PTPRN2: variants seen among roughly 807,000 people sequenced by gnomAD.
PTPRN2 encodes the protein protein tyrosine phosphatase receptor type N2, also known as receptor-type tyrosine-protein phosphatase N2.
A neutral mutation model predicts 118.8 loss-of-function variants in PTPRN2; 74 were observed. That is an observed-to-expected ratio of 0.62 (90% CI 0.52 to 0.76). The LOEUF (loss-of-function observed/expected upper bound fraction) is 0.76, where lower values mean the gene tolerates loss of function less well. Among genes scored for constraint, PTPRN2 ranks in the 30% least tolerant of loss-of-function variants. The pLI is 0.00. For synonymous variants in PTPRN2, 641 were observed against 608.0 expected (o/e 1.05, Z -0.80); for missense variants, 1,481 against 1,394.4 (o/e 1.06, Z -0.99).
intron 2 of PTPRN2, among the ~76,000 whole-genome samples, chr7:158,327,553 C>A (rs1179827036): frequency 6.6e-6 from 1 of 152,208 alleles, no homozygotes; most frequent in Non-Finnish European, 1.5e-5. Context: ...ACTATCTGTT[C>A]TCACATGCTC....
chr7:157,679,369 A>C (rs191014365), intron 13 of PTPRN2, among the ~76,000 whole-genome samples: 20 of 152,314 alleles, frequency 1.3e-4, no homozygotes, highest in African/African-American at 4.8e-4. Context: ...AGTCTGAGCA[A>C]ATTAAACTTG....
chr7:157,648,674 T>A (rs553700969), intron 14 of PTPRN2, among the ~76,000 whole-genome samples: 84 of 90,114 alleles, frequency 9.3e-4, no homozygotes, highest in African/African-American at 1.8e-3. Context: ...GGTCAGACCC[T>A]TTCACTGTGC....
At chr7:157,920,090 A>C (rs1020590126) in intron 11 of PTPRN2, among the ~76,000 whole-genome samples, 6 of 152,200 alleles carry the variant, frequency 3.9e-5, no homozygotes, top group African/African-American at 1.2e-4. Flanking sequence ...ATGCTCGCAC[A>C]ACGACGAAAT....
At chr7:157,605,484 G>C (rs1801950411) in intron 15 of PTPRN2, among the ~76,000 whole-genome samples, 2 of 152,218 alleles carry the variant, frequency 1.3e-5, no homozygotes, top group Admixed American at 6.5e-5. Flanking sequence ...CGAGCAGGGG[G>C]CATGTCTCAG....
intron 3 of PTPRN2, among the ~76,000 whole-genome samples, chr7:158,310,664 G>A (rs537789535): frequency 5.3e-5 from 8 of 151,822 alleles, no homozygotes; most frequent in South Asian, 2.1e-4. Context: ...CACGGAGGGC[G>A]AGCCCTGAGC....
At chr7:158,060,094 CGGTG>C in intron 11 of PTPRN2, among the ~76,000 whole-genome samples, 2 of 120,202 alleles carry the variant, frequency 1.7e-5, no homozygotes, top group African/African-American at 8.0e-5. Flanking sequence ...CATCTGCCCA[CGGTG>C]ACACATCACT....
At chr7:158,267,098 C>T (rs750057253) in intron 3 of PTPRN2, among the ~76,000 whole-genome samples, 15 of 152,244 alleles carry the variant, frequency 9.9e-5, no homozygotes, top group Non-Finnish European at 1.9e-4. Flanking sequence ...CGGCAGGTCC[C>T]GCCTGGCACT....
intron 11 of PTPRN2, among the ~76,000 whole-genome samples, chr7:157,968,945 A>G (rs1201056090): frequency 1.3e-5 from 2 of 152,202 alleles, no homozygotes; most frequent in African/African-American, 4.8e-5. Flanking sequence ...GCTCAGTGGA[A>G]GGTGCCGAAG....
In PTPRN2 at chr7:157,610,396, T is replaced by C. The variant is rs1048047251; in HGVS notation, c.2345-6321A>G. ...CAGGAGGCCCTCTTCTTCATGTTGA[T>C]GGTGTGGCCTGTGGAGAGGTGGAGC... is the stretch of plus-strand genomic sequence containing the variant. On this transcript the variant is annotated intron_variant, in intron 15 of 22. Coordinates refer to ENST00000389418, the MANE Select transcript of PTPRN2 (RefSeq NM_002847.5). The surrounding 1 kb of genome is among the most constrained non-coding windows in gnomAD (Gnocchi z 5.1). Among the ~76,000 whole-genome samples, 1 of 152,222 alleles carries C rather than the reference T, an allele frequency of 6.6e-6. No homozygotes were observed. The highest frequency in any genetic ancestry group is 1.5e-5 in the Non-Finnish European group (1 of 68,040).
intron 3 of PTPRN2, among the ~76,000 whole-genome samples, chr7:158,283,668 C>T (rs1051327868): frequency 2.0e-5 from 3 of 152,118 alleles, no homozygotes; most frequent in Non-Finnish European, 4.4e-5. Context: ...GCATAATGAC[C>T]GGACCTCACC....
At chr7:158,321,246 G>A (rs535383065) in intron 2 of PTPRN2, among the ~76,000 whole-genome samples, 466 of 152,198 alleles carry the variant, frequency 3.1e-3, no homozygotes, top group Non-Finnish European at 4.5e-3. Context: ...CACTGAAGTC[G>A]CCTCACCGCC....
At chr7:158,473,663 G>C (rs976234386) in intron 2 of PTPRN2, among the ~76,000 whole-genome samples, 2 of 152,206 alleles carry the variant, frequency 1.3e-5, no homozygotes, top group African/African-American at 4.8e-5. Flanking sequence ...GACACTGTCA[G>C]CCTCAGAAAA....
chr7:158,531,195 A>C (rs1224153662), intron 1 of PTPRN2, among the ~76,000 whole-genome samples: 15 of 152,186 alleles, frequency 9.9e-5, no homozygotes, highest in African/African-American at 3.1e-4. Flanking sequence ...TGCCTGACAC[A>C]GCAAATTTAC....
At chr7:158,164,843 A>G (rs1822783863) in intron 6 of PTPRN2, among the ~76,000 whole-genome samples, 1 of 152,170 alleles carries the variant, frequency 6.6e-6, no homozygotes, top group Non-Finnish European at 1.5e-5. Context: ...GGGAGGGGCA[A>G]GGAAGGCTGA....
intron 12 of PTPRN2, among the ~76,000 whole-genome samples, chr7:157,745,137 C>T (rs753805358): frequency 5.3e-5 from 8 of 152,180 alleles, no homozygotes; most frequent in Non-Finnish European, 1.0e-4. Context: ...CAGGAGTGGC[C>T]ACCCCAGCAT....
intron 16 of PTPRN2, among the ~76,000 whole-genome samples, chr7:157,602,762 G>A (rs1585092939): frequency 1.3e-5 from 2 of 152,224 alleles, no homozygotes; most frequent in East Asian, 1.9e-4. Flanking sequence ...AGAGCCGAGA[G>A]CTGAGCACTG....
intron 2 of PTPRN2, among the ~76,000 whole-genome samples, chr7:158,371,968 G>T (rs189667843): frequency 1.3e-5 from 2 of 152,230 alleles, no homozygotes; most frequent in Middle Eastern, 6.3e-3. Flanking sequence ...GTGGCCCCGG[G>T]GATGAGGTTC....
rs1796572436 is a variant in PTPRN2, at chr7:157,674,580, C to T, written c.2001+8145G>A. On this transcript the variant is annotated intron_variant, in intron 13 of 22. Coordinates refer to ENST00000389418, the MANE Select transcript of PTPRN2 (RefSeq NM_002847.5). The surrounding 1 kb of genome is among the most constrained non-coding windows in gnomAD (Gnocchi z 4.5). The stretch of plus-strand genomic sequence containing the variant: ...TGTTGTGTTAAGAGCTGGGCTTTGC[C>T]ATTTTTGACAGGCTAATGCATTTCA... Among the ~76,000 whole-genome samples, 1 of 152,236 alleles carries T rather than the reference C, an allele frequency of 6.6e-6. No homozygotes were observed. Among genetic ancestry groups the T allele is most frequent in the African/African-American group, 2.4e-5 (1 of 41,460 alleles).
chr7:157,879,064 T>G (rs572317061), intron 12 of PTPRN2, among the ~76,000 whole-genome samples: 1 of 134,082 alleles, frequency 7.5e-6, no homozygotes, highest in African/African-American at 2.9e-5. Context: ...AGGAGCTCTC[T>G]CAGATTCCAT....
Sources: allele counts gnomAD v4.1 joint callset (sites outside exome capture counted in the v4.1 genomes callset), GRCh38; gene constraint gnomAD v4.1.1; non-coding constraint Gnocchi (gnomAD v3.1); transcripts MANE v1.5; gene names NCBI Gene and HGNC (gene_info 2026-07-23, HGNC 2026-07-21).